SPMAP2L: variants seen among roughly 807,000 people sequenced by gnomAD.
SPMAP2L encodes the protein sperm microtubule associated protein 2 like.
the SPMAP2L span, among the ~76,000 whole-genome samples, chr4:56,606,656 C>A: frequency 2.6e-5 from 4 of 152,046 alleles, no homozygotes; most frequent in African/African-American, 9.7e-5. Context: ...CAGTGTGGCT[C>A]AAACAGAAAG....
the SPMAP2L span, among the ~76,000 whole-genome samples, chr4:56,586,958 C>T: frequency 6.6e-6 from 1 of 152,102 alleles, no homozygotes; most frequent in Non-Finnish European, 1.5e-5. Context: ...TATCCTTGAG[C>T]ATGGATTTTA....
the SPMAP2L span, chr4:56,530,672 C>T: frequency 2.0e-6 from 3 of 1,532,722 alleles, no homozygotes; most frequent in South Asian, 1.2e-5. Context: ...AAGCTTCTGG[C>T]GCGAATGGAG....
At chr4:56,557,120 G>A in the SPMAP2L span, among the ~76,000 whole-genome samples, 2,636 of 151,822 alleles carry the variant, frequency 0.017, 83 homozygotes, top group African/African-American at 0.06. Context: ...ATGGTGGCAC[G>A]TGCCTGTAGT....
the SPMAP2L span, chr4:56,584,527 T>A: frequency 6.5e-7 from 1 of 1,534,962 alleles, no homozygotes; most frequent in East Asian, 2.4e-5. Context: ...CAAGAGATTC[T>A]CTTCGAATCT....
At chr4:56,598,525 C>T in the SPMAP2L span, among the ~76,000 whole-genome samples, 3 of 151,970 alleles carry the variant, frequency 2.0e-5, no homozygotes, top group Non-Finnish European at 2.9e-5. Context: ...GGAAGATCTC[C>T]TTGAAGAATG....
the SPMAP2L span, among the ~76,000 whole-genome samples, chr4:56,608,222 T>C: frequency 6.6e-6 from 1 of 152,160 alleles, no homozygotes; most frequent in Admixed American, 6.5e-5. Context: ...CCTTGACTGC[T>C]TGTAATAAAA....
the SPMAP2L span, among the ~76,000 whole-genome samples, chr4:56,619,350 C>A: frequency 6.6e-6 from 1 of 152,196 alleles, no homozygotes; most frequent in Non-Finnish European, 1.5e-5. Context: ...GCTTATTCAT[C>A]TGGCTTTACT....
the SPMAP2L span, chr4:56,531,274 AG>A: frequency 7.2e-7 from 1 of 1,388,546 alleles, no homozygotes; most frequent in Non-Finnish European, 9.5e-7. Flanking sequence ...CCTAAGGTGG[AG>A]GTTTGCATGC....
At chr4:56,596,425 C>A in the SPMAP2L span, 1 of 1,394,026 alleles carries the variant, frequency 7.2e-7, no homozygotes, top group Non-Finnish European at 9.3e-7. Context: ...GAGGTCAAAT[C>A]ATACTTTGTA....
At chr4:56,594,373 A>C in the SPMAP2L span, 11 of 1,571,306 alleles carry the variant, frequency 7.0e-6, no homozygotes, top group Non-Finnish European at 9.6e-6. Context: ...CACCTATCAC[A>C]TGGAAAGAAT....
the SPMAP2L span, among the ~76,000 whole-genome samples, chr4:56,612,110 C>T: frequency 2.0e-5 from 3 of 152,064 alleles, no homozygotes; most frequent in Non-Finnish European, 2.9e-5. Context: ...AGAAGAGGAG[C>T]GTGGAGAAGC....
the SPMAP2L span, chr4:56,575,508 T>G: frequency 1.4e-5 from 22 of 1,535,144 alleles, no homozygotes; most frequent in Non-Finnish European, 1.8e-5. Flanking sequence ...CTTGCAGGGC[T>G]CAATACTACC....
the SPMAP2L span, among the ~76,000 whole-genome samples, chr4:56,606,240 G>A: frequency 6.6e-6 from 1 of 152,216 alleles, no homozygotes; most frequent in South Asian, 2.1e-4. Context: ...CATATGTTAA[G>A]TGGACAGTTG....
the SPMAP2L span, among the ~76,000 whole-genome samples, chr4:56,571,974 C>G: frequency 6.6e-6 from 1 of 152,188 alleles, no homozygotes; most frequent in Non-Finnish European, 1.5e-5. Flanking sequence ...GAGCTGTCAT[C>G]TCCTATGATA....
the SPMAP2L span, among the ~76,000 whole-genome samples, chr4:56,577,434 T>G: frequency 6.6e-6 from 1 of 152,078 alleles, no homozygotes; most frequent in Non-Finnish European, 1.5e-5. Flanking sequence ...TCAGACAATA[T>G]AGACTTTAAG....
At chr4:56,573,551 G>A in the SPMAP2L span, among the ~76,000 whole-genome samples, 1 of 152,084 alleles carries the variant, frequency 6.6e-6, no homozygotes, top group Non-Finnish European at 1.5e-5. Context: ...CCCAACCACT[G>A]TGGCTCCTTT....
At chr4:56,589,478 T>A in the SPMAP2L span, among the ~76,000 whole-genome samples, 2 of 152,106 alleles carry the variant, frequency 1.3e-5, no homozygotes, top group Non-Finnish European at 2.9e-5. Context: ...AGAATGATGG[T>A]GTTATTTTGA....
chr4:56,535,247 C>T, the SPMAP2L span, among the ~76,000 whole-genome samples: 1 of 152,138 alleles, frequency 6.6e-6, no homozygotes, highest in African/African-American at 2.4e-5. Context: ...GAGACCACCA[C>T]GCATATTGTC....
the SPMAP2L span, among the ~76,000 whole-genome samples, chr4:56,587,585 T>G: frequency 6.6e-6 from 1 of 152,174 alleles, no homozygotes; most frequent in South Asian, 2.1e-4. Flanking sequence ...TTTTCATTCT[T>G]GAGTTACTTT....
Sources: allele counts gnomAD v4.1 joint callset (sites outside exome capture counted in the v4.1 genomes callset), GRCh38; gene constraint gnomAD v4.1.1; transcripts MANE v1.5; gene names NCBI Gene and HGNC (gene_info 2026-07-23, HGNC 2026-07-21).